The following PEX6 variants were observed in gnomAD, a reference collection of about 807,000 sequenced individuals.
PEX6 encodes the protein peroxisomal biogenesis factor 6.
Under a neutral mutation model 85.6 loss-of-function variants are expected in PEX6, and 55 were observed. The ratio of observed to expected loss-of-function variants is 0.64; its 90% confidence interval spans 0.52 to 0.80. The LOEUF is 0.80. Among genes scored for constraint, PEX6 ranks in the 30% least tolerant of loss-of-function variants. PEX6 has a pLI of 0.00. For synonymous variants in PEX6, 519 were observed against 549.1 expected, an observed-to-expected ratio of 0.95 and a Z score of 0.77; for missense variants, 1,099 against 1,260.3, an observed-to-expected ratio of 0.87 and a Z score of 1.94.
chr6:42,972,866 A>G (rs1770116396), intron 3 of PEX6, among the ~76,000 whole-genome samples: 1 of 151,976 alleles, frequency 6.6e-6, no homozygotes, highest in Admixed American at 6.6e-5. Flanking sequence ...CAGAAATCAG[A>G]GCCTGTATAT....
Position 42,965,338 on chromosome 6 carries a change from A to G in PEX6, c.2502T>C (p.Asp834=). The G allele has an allele frequency of 1.2e-6, 2 of 1,614,060 alleles. No individual in the cohort carries two copies. The highest frequency in any genetic ancestry group is 1.7e-6 in the Non-Finnish European group (2 of 1,179,982). Reference sequence around the variant, plus strand: ...ACACATCCTGAGTGCTGTGCAGCCCATCTAGCTCGGCAAGGAGCTGAGACA... The same window carrying G: ...ACACATCCTGAGTGCTGTGCAGCCCGTCTAGCTCGGCAAGGAGCTGAGACA... The part of the protein sequence containing the change: ...RVVSQLLAEL[D]GLHSTQDVFV... The change falls in exon 14 of 17, where the codon GAT becomes GAC. Residue 834 remains aspartate, a synonymous_variant. Coordinates refer to ENST00000304611, the MANE Select transcript of PEX6 (RefSeq NM_000287.4). The surrounding 1 kb of genome is among the most constrained non-coding windows in gnomAD (Gnocchi z 5.0).
Position 42,964,011 on chromosome 6 carries a change from G to C in PEX6, c.*324C>G, listed in dbSNP as rs935560641. 7.5e-5 allele frequency: 37 copies of C among 493,200 alleles called. No individual in the cohort carries two copies. Among genetic ancestry groups the C allele is most frequent in the African/African-American group, 4.4e-4 (22 of 50,090 alleles). The allele number at this position is 493,200 out of a possible 1,614,324, so 30.6% of individuals were successfully genotyped here. ...ACCTTTCATGCCACAACACCAGTAG[G>C]GGGCGGGACATGCTTTATTTTCAGC... is the stretch of plus-strand genomic sequence containing the variant. On this transcript the variant is annotated 3_prime_UTR_variant, in exon 17 of 17. Coordinates refer to ENST00000304611, the MANE Select transcript of PEX6 (RefSeq NM_000287.4). The surrounding 1 kb of genome is among the most constrained non-coding windows in gnomAD (Gnocchi z 4.6).
chr6:42,978,583 T>C lies in PEX6; in HGVS notation c.568A>G (p.Thr190Ala), dbSNP rs970998380. Reference protein sequence around the residue: ...PVVSSFAVSGTVRRLQGVLGG... With the variant: ...PVVSSFAVSGAVRRLQGVLGG... Reference sequence around the variant, plus strand: ...AGAACTCCCTGGAGTCGCCGCACTGTGCCAGAAACCGCAAAGGAGGACACC... The same window carrying C: ...AGAACTCCCTGGAGTCGCCGCACTGCGCCAGAAACCGCAAAGGAGGACACC... The change falls in exon 1 of 17, where the codon ACA becomes GCA. Residue 190 changes from threonine (T) to alanine (A), a missense_variant. Physicochemically the swap from Thr to Ala is moderately conservative, Grantham distance 58. This residue lies in a region of PEX6 where 579 missense variants were observed against 611.6 expected (regional missense o/e 0.95). Coordinates refer to ENST00000304611, the MANE Select transcript of PEX6 (RefSeq NM_000287.4). 2.5e-6 allele frequency: 4 copies of C among 1,611,562 alleles called. No homozygotes were observed. Among genetic ancestry groups the C allele is most frequent in the Non-Finnish European group, 3.4e-6 (4 of 1,179,776 alleles).
chr6:42,965,020 C>A lies in PEX6; in HGVS notation c.2666+55G>T, dbSNP rs1769698875. The A allele has an allele frequency of 1.2e-6, 2 of 1,608,490 alleles. No individual in the cohort carries two copies. The highest frequency in any genetic ancestry group is 1.7e-6 in the Non-Finnish European group (2 of 1,174,758). On this transcript the variant is annotated intron_variant, in intron 15 of 16. Coordinates refer to ENST00000304611, the MANE Select transcript of PEX6 (RefSeq NM_000287.4). The surrounding 1 kb of genome is among the most constrained non-coding windows in gnomAD (Gnocchi z 5.0). ...AGCTCATCCTGCATGTTGCATGCAT[C>A]CCCTAAGCATCCCAAGGCCCAAGCC... is the stretch of plus-strand genomic sequence containing the variant.
intron 6 of PEX6, 146 bp from the exon 7 acceptor site, chr6:42,968,644 CT>C (rs1769936755): frequency 2.6e-6 from 2 of 777,010 alleles, no homozygotes; most frequent in African/African-American, 3.4e-5. Context: ...AGTCCTACCT[CT>C]TTTTTACCCT....
In PEX6 at chr6:42,978,927, AGT is replaced by A. The variant is rs1770437705; in HGVS notation, c.222_223del (p.Leu75GlyfsTer2). 1 of 1,488,392 alleles carries A rather than the reference AGT, an allele frequency of 6.7e-7. No individual in the cohort carries two copies. The highest frequency in any genetic ancestry group is 8.9e-7 in the Non-Finnish European group (1 of 1,127,776). 92.2% of individuals were successfully genotyped at this position (1,488,392 alleles called of 1,614,324 possible). A position where few individuals can be genotyped will look rare whatever the true frequency, so the allele number is the denominator to read the frequency against. ...GAGCCGCAGCAGCGCGCGGCTAACCAGTAGCTGCGGCGGCCCGGGACCCTGCT... is the reference window on the plus strand; with the variant it reads ...GAGCCGCAGCAGCGCGCGGCTAACCAAGCTGCGGCGGCCCGGGACCCTGCT... On this transcript the variant is annotated frameshift_variant, in exon 1 of 17. Transcript: ENST00000304611. LOFTEE classifies it high-confidence loss of function.
rs776978889 is a variant in PEX6, at chr6:42,965,146, G to A, written c.2595C>T (p.Asp865=). 3.1e-6 allele frequency: 5 copies of A among 1,614,060 alleles called. No individual in the cohort carries two copies. The highest frequency in any genetic ancestry group is 4.2e-6 in the Non-Finnish European group (5 of 1,180,016). Residue 865 remains aspartate, a synonymous_variant, in exon 15 of 17, where the codon GAC becomes GAT. Transcript: ENST00000304611. The surrounding 1 kb of genome is among the most constrained non-coding windows in gnomAD (Gnocchi z 5.0). ...DPALLRPGRF[D]KLVFVGANED... is the part of the protein sequence containing the mutation. ...CATTTGCCCCCACAAACACCAGCTTGTCAAATCTTTAGGGAGATAGGCAGG... is the reference window on the plus strand; with the variant it reads ...CATTTGCCCCCACAAACACCAGCTTATCAAATCTTTAGGGAGATAGGCAGG...
chr6:42,966,844 C>G lies in PEX6; in HGVS notation c.1899G>C (p.Gly633=). The part of the protein sequence containing the change: ...LARRCAGFVV[G]DLYALLTHSS... ...TGTGGGTCAGAAGGGCATAGAGATC[C>G]CCTACCACAAAGCCCTAGGGAACCA... The change falls in exon 9 of 17, where the codon GGG becomes GGC. Residue 633 remains glycine (G), a synonymous_variant. Coordinates refer to ENST00000304611, the MANE Select transcript of PEX6 (RefSeq NM_000287.4). The G allele has an allele frequency of 1.9e-6, 3 of 1,613,168 alleles. No individual in the cohort carries two copies. The highest frequency in any genetic ancestry group is 2.5e-6 in the Non-Finnish European group (3 of 1,180,000).
rs768880174 is a variant in PEX6 at position 42,966,428 on chromosome 6, T to C, written c.2114A>G (p.His705Arg). Reference sequence around the variant, plus strand: ...CACCTCCTGCAGCCCACCCACATCATGCCAGGACACTGAGGGGATCTAGGA... The same window carrying C: ...CACCTCCTGCAGCCCACCCACATCACGCCAGGACACTGAGGGGATCTAGGA... ...GAPKIPSVSW[H>R]DVGGLQEVKK... The change falls in exon 11 of 17, where the codon CAT becomes CGT. Residue 705 changes from histidine to arginine, a missense_variant. His to Arg is a conservative substitution (Grantham distance 29). Around this residue, in one of 3 missense-constraint regions of PEX6, gnomAD observed 514 missense variants for 627.0 expected, o/e 0.82. Transcript: ENST00000304611. 5 of 1,614,128 alleles carry C rather than the reference T, an allele frequency of 3.1e-6. No individual in the cohort carries two copies. In the East Asian group the frequency reaches 8.9e-5, roughly 29 times the overall value.
Position 42,968,516 on chromosome 6 carries a change from A to G in PEX6, c.1480-18T>C, listed in dbSNP as rs1175044137. On this transcript the variant is annotated intron_variant, in intron 6 of 16. Transcript: ENST00000304611. ...CAGGGCACCTGGGGAGGGGATCCCA[A>G]TGGGTCTGTGAGCAAGGGGAAAGCA... 22 of 1,552,426 alleles carry G rather than the reference A, an allele frequency of 1.4e-5. No individual in the cohort carries two copies. Among genetic ancestry groups the G allele is most frequent in the Admixed American group, 1.9e-5 (1 of 51,336 alleles).
intron 3 of PEX6, among the ~76,000 whole-genome samples, chr6:42,970,496 A>G (rs3763238): frequency 0.016 from 2,498 of 152,320 alleles, 131 homozygotes; most frequent in Admixed American, 0.088. Flanking sequence ...TATCTGTGTA[A>G]CTTTAAAAAC....
Position 42,964,212 on chromosome 6 carries a change from G to T in PEX6, c.*123C>A. 2 of 1,117,600 alleles carry T rather than the reference G, an allele frequency of 1.8e-6. No homozygotes were observed. The highest frequency in any genetic ancestry group is 2.4e-5 in the East Asian group (1 of 41,332). The allele number at this position is 1,117,600 out of a possible 1,614,324, so 69.2% of individuals were successfully genotyped here. A position where few individuals can be genotyped will look rare whatever the true frequency, so the allele number is the denominator to read the frequency against. Reference sequence around the variant, plus strand: ...ACTTTGCACCCTGGGATCTCCTGGAGGGAGGTGGCCTCCAGGTGGGTTGGC... The same window carrying T: ...ACTTTGCACCCTGGGATCTCCTGGATGGAGGTGGCCTCCAGGTGGGTTGGC... On this transcript the variant is annotated 3_prime_UTR_variant, in exon 17 of 17. Transcript: ENST00000304611. The surrounding 1 kb of genome is among the most constrained non-coding windows in gnomAD (Gnocchi z 4.6).
At chr6:42,975,477 C>T (rs1770250834) in intron 1 of PEX6, among the ~76,000 whole-genome samples, 1 of 152,126 alleles carries the variant, frequency 6.6e-6, no homozygotes, top group South Asian at 2.1e-4. Flanking sequence ...CTTGAGTACC[C>T]CAGTAGTTTT....
Position 42,966,405 on chromosome 6 carries a change from C to A in PEX6, c.2137G>T (p.Val713Leu). The A allele has an allele frequency of 1.2e-6, 2 of 1,614,166 alleles. No individual in the cohort carries two copies. Among genetic ancestry groups the A allele is most frequent in the Non-Finnish European group, 1.7e-6 (2 of 1,180,024 alleles). Reference protein sequence around the residue: ...SWHDVGGLQEVKKEILETIQL... With the variant: ...SWHDVGGLQELKKEILETIQL... ...ATGGTCTCCAGGATCTCCTTCTTCACCTCCTGCAGCCCACCCACATCATGC... is the reference window on the plus strand; with the variant it reads ...ATGGTCTCCAGGATCTCCTTCTTCAACTCCTGCAGCCCACCCACATCATGC... Residue 713 changes from valine (V) to leucine (L), a missense_variant, in exon 11 of 17, where the codon GTG becomes TTG. Around this residue, in one of 3 missense-constraint regions of PEX6, gnomAD observed 514 missense variants for 627.0 expected, o/e 0.82. Coordinates refer to ENST00000304611, the MANE Select transcript of PEX6 (RefSeq NM_000287.4).
Position 42,964,340 on chromosome 6 carries a change from A to G in PEX6, c.2938T>C (p.Cys980Arg). The G allele has an allele frequency of 1.2e-6, 2 of 1,613,728 alleles. No individual in the cohort carries two copies. Among genetic ancestry groups the G allele is most frequent in the Non-Finnish European group, 1.7e-6 (2 of 1,179,976 alleles). ...TCCCAGACCCTGGGGGGCTCCTAGC[A>G]GGCAGCAAACTTGCGCTGGATGCGC... is the stretch of plus-strand genomic sequence containing the variant. ...YKRIQRKFAAC is the reference protein window; with the variant it reads ...YKRIQRKFAAR The change falls in exon 17 of 17, where the codon TGC becomes CGC. Residue 980 changes from cysteine to arginine, a missense_variant. By Grantham distance (180) the Cys-to-Arg change is radical. Around this residue, in one of 3 missense-constraint regions of PEX6, gnomAD observed 514 missense variants for 627.0 expected, o/e 0.82. Transcript: ENST00000304611. This position sits in a 1 kb window ranked among gnomAD's most constrained non-coding sequence, Gnocchi z 4.6.
intron 1 of PEX6, among the ~76,000 whole-genome samples, chr6:42,975,954 T>C (rs1017163208): frequency 3.3e-5 from 5 of 152,112 alleles, no homozygotes; most frequent in Non-Finnish European, 7.4e-5. Context: ...AGTGGCACCA[T>C]CTCGGCTCAC....
In PEX6 at chr6:42,965,998, G is replaced by T; in HGVS notation, c.2362+46C>A. The T allele has an allele frequency of 6.3e-7, 1 of 1,598,102 alleles. No homozygotes were observed. The highest frequency in any genetic ancestry group is 8.6e-7 in the Non-Finnish European group (1 of 1,166,976). ...AGTAGGGGGTGGCTTGGGGGCCATC[G>T]GGGTTTGGGAAGCATGGGACGCCCT... is the stretch of plus-strand genomic sequence containing the variant. On this transcript the variant is annotated intron_variant, in intron 12 of 16. Transcript: ENST00000304611. The surrounding 1 kb of genome is among the most constrained non-coding windows in gnomAD (Gnocchi z 5.0).
Position 42,964,528 on chromosome 6 carries a change from C to A in PEX6, c.2807-57G>T, listed in dbSNP as rs370335108. On this transcript the variant is annotated intron_variant, in intron 16 of 16. Transcript: ENST00000304611. This position sits in a 1 kb window ranked among gnomAD's most constrained non-coding sequence, Gnocchi z 4.6. ...TATGCCCAGGCAGGGGAGAGCCCTG[C>A]GAAGGTGGCTTCCTGCTCAGGGTCT... is the stretch of plus-strand genomic sequence containing the variant. 2 of 1,602,236 alleles carry A rather than the reference C, an allele frequency of 1.2e-6. No individual in the cohort carries two copies. The highest frequency in any genetic ancestry group is 1.3e-5 in the African/African-American group (1 of 74,788).
In PEX6 at chr6:42,964,020, C is replaced by T; in HGVS notation, c.*315G>A. The T allele has an allele frequency of 4.1e-6, 2 of 488,542 alleles. No homozygotes were observed. Among genetic ancestry groups the T allele is most frequent in the South Asian group, 2.1e-5 (1 of 48,452 alleles). The allele number at this position is 488,542 out of a possible 1,614,324, so 30.3% of individuals were successfully genotyped here. A position where few individuals can be genotyped will look rare whatever the true frequency, so the allele number is the denominator to read the frequency against. On this transcript the variant is annotated 3_prime_UTR_variant, in exon 17 of 17. Coordinates refer to ENST00000304611, the MANE Select transcript of PEX6 (RefSeq NM_000287.4). This position sits in a 1 kb window ranked among gnomAD's most constrained non-coding sequence, Gnocchi z 4.6. ...GCCACAACACCAGTAGGGGGCGGGA[C>T]ATGCTTTATTTTCAGCCACAGAACT...
Sources: allele counts gnomAD v4.1 joint callset (sites outside exome capture counted in the v4.1 genomes callset), GRCh38; gene constraint gnomAD v4.1.1; regional missense constraint gnomAD v4.1.1; non-coding constraint Gnocchi (gnomAD v3.1); transcripts MANE v1.5; gene names NCBI Gene and HGNC (gene_info 2026-07-23, HGNC 2026-07-21).